CCDC66: variants seen among roughly 807,000 people sequenced by gnomAD.
The protein encoded by CCDC66 is coiled-coil domain containing 66, also known as coiled-coil domain-containing protein 66.
CCDC66 carries 133 observed loss-of-function variants against 128.3 expected under a neutral mutation model. The ratio of observed to expected loss-of-function variants is 1.04; its 90% CI spans 0.90 to 1.20. The LOEUF (loss-of-function observed/expected upper bound fraction) is 1.20, where lower values mean the gene tolerates loss of function less well. Ranked by LOEUF, CCDC66 falls within the 50% of genes most tolerant of loss-of-function variation. The pLI, the probability that CCDC66 is intolerant of heterozygous loss-of-function variation, is 0.00. For missense variants in CCDC66, 1,126 were observed against 1,075.5 expected (o/e 1.05, Z -0.66); for synonymous variants, 387 against 357.0 (o/e 1.08, Z -0.95).
At chr3:56,569,295 G>C in intron 6 of CCDC66, 2 of 313,222 alleles carry the variant, frequency 6.4e-6, no homozygotes, top group Non-Finnish European at 1.4e-5. Flanking sequence ...TGATAAAAGA[G>C]GTTTATTTGG....
At chr3:56,584,362 C>G (rs1161254632) in intron 7 of CCDC66, among the ~76,000 whole-genome samples, 1 of 148,148 alleles carries the variant, frequency 6.8e-6, no homozygotes, top group African/African-American at 2.5e-5. Context: ...AGAGGGGCTC[C>G]TCACTTCTCA....
chr3:56,566,089 C>T (rs1250152742), intron 4 of CCDC66, among the ~76,000 whole-genome samples: 1 of 106,676 alleles, frequency 9.4e-6, no homozygotes, highest in African/African-American at 2.9e-5. Context: ...AGCCATTTAA[C>T]CTCTGGGCTT....
At chr3:56,594,107 T>G in intron 10 of CCDC66, 79 bp downstream of exon 10, 1 of 1,301,004 alleles carries the variant, frequency 7.7e-7, no homozygotes, top group South Asian at 1.2e-5. Context: ...AATGGAAATT[T>G]AAATTCTGAT....
intron 7 of CCDC66, among the ~76,000 whole-genome samples, chr3:56,580,789 C>T (rs1470331675): frequency 8.6e-5 from 13 of 151,820 alleles, no homozygotes; most frequent in Admixed American, 4.6e-4. Flanking sequence ...ACTGTTAGTC[C>T]GATGGGCTTC....
At chr3:56,571,417 T>C in intron 7 of CCDC66, 115 bp downstream of exon 7, 1 of 680,438 alleles carries the variant, frequency 1.5e-6, no homozygotes, top group Non-Finnish European at 2.3e-6. Flanking sequence ...GTTTCTCTCT[T>C]GTTGCCCAGG....
chr3:56,585,788 T>C (rs2069585720), intron 7 of CCDC66, among the ~76,000 whole-genome samples: 1 of 151,868 alleles, frequency 6.6e-6, no homozygotes, highest in Non-Finnish European at 1.5e-5. Flanking sequence ...TACTCAGACC[T>C]GAATAATTAC....
At chr3:56,568,266 T>TA (rs1184261550) in intron 6 of CCDC66, among the ~76,000 whole-genome samples, 3 of 152,176 alleles carry the variant, frequency 2.0e-5, no homozygotes, top group African/African-American at 7.2e-5. Context: ...CATTTTGGGG[T>TA]AAAACACTGT....
Position 56,566,639 on chromosome 3 carries a change from A to G in CCDC66, c.590A>G (p.Asp197Gly). 6.3e-7 allele frequency: 1 copy of G among 1,598,646 alleles called. No individual in the cohort carries two copies. Among genetic ancestry groups the G allele is most frequent in the South Asian group, 1.1e-5 (1 of 90,686 alleles). ...AACAGTATTTCTAATCAGCCAAAGG[A>G]TGAGAACATTATGGGATTATTCAAA... Reference protein sequence around the residue: ...YLNSISNQPKDENIMGLFKKT... With the variant: ...YLNSISNQPKGENIMGLFKKT... The change falls in exon 5 of 18, where the codon GAT becomes GGT. Residue 197 changes from aspartate to glycine, a missense_variant. Transcript: ENST00000394672.
chr3:56,593,312 C>T (rs1443081619), intron 8 of CCDC66, among the ~76,000 whole-genome samples, 179 bp from the exon 9 acceptor site: 2 of 152,154 alleles, frequency 1.3e-5, no homozygotes, highest in Non-Finnish European at 2.9e-5. Context: ...TTGAATTTCT[C>T]AAATTTTCAA....
chr3:56,566,511 T>G, intron 4 of CCDC66, 83 bp from the exon 5 acceptor site: 1 of 845,424 alleles, frequency 1.2e-6, no homozygotes, highest in South Asian at 1.9e-5. Context: ...GTGTAAGACA[T>G]GTAAGAACTG....
At position 56,619,385 on chromosome 3, in the gene CCDC66, T is replaced by TAATC. The variant is rs745848348; in HGVS notation, c.2496_2499dup (p.Thr834SerfsTer10). The TAATC allele has an allele frequency of 1.9e-6, 3 of 1,613,982 alleles. No homozygotes were observed. Among genetic ancestry groups the TAATC allele is most frequent in the African/African-American group, 1.3e-5 (1 of 75,032 alleles). On this transcript the variant is annotated frameshift_variant, in exon 16 of 18. Coordinates refer to ENST00000394672, the MANE Select transcript of CCDC66 (RefSeq NM_001141947.3). LOFTEE classifies it high-confidence loss of function. ...AGAGAGAGAATTTGATCTCAGGAAG[T>TAATC]AATCAAACAGAATTATCATCTGGGA...
At chr3:56,611,573 C>T (rs985591414) in intron 10 of CCDC66, among the ~76,000 whole-genome samples, 5 of 133,958 alleles carry the variant, frequency 3.7e-5, no homozygotes, top group African/African-American at 1.4e-4. Context: ...CCCCCCACCC[C>T]CCACGCCCAG....
chr3:56,583,952 GCGGC>G (rs2068932240), intron 7 of CCDC66, among the ~76,000 whole-genome samples: 3 of 139,076 alleles, frequency 2.2e-5, no homozygotes. Flanking sequence ...CCCGGACGGG[GCGGC>G]TGGCCGGGCG....
At chr3:56,608,418 T>G (rs746598088) in intron 10 of CCDC66, among the ~76,000 whole-genome samples, 2 of 152,194 alleles carry the variant, frequency 1.3e-5, no homozygotes, top group Admixed American at 6.5e-5. Flanking sequence ...TGTGTAAAGG[T>G]GTTCATAGTA....
chr3:56,611,837 C>T (rs1006975490), intron 10 of CCDC66, among the ~76,000 whole-genome samples: 1 of 152,166 alleles, frequency 6.6e-6, no homozygotes, highest in Non-Finnish European at 1.5e-5. Flanking sequence ...GAGCTTCTCC[C>T]GCAAAGACTT....
rs6807338 is a variant in CCDC66 at position 56,615,254 on chromosome 3, C to G, written c.1693C>G (p.Leu565Val). Reference sequence around the variant, plus strand: ...GCAAAAGGGACATGACACTTCTAGACTGATTAAAAATCTTGGTGGTAAGGG... The same window carrying G: ...GCAAAAGGGACATGACACTTCTAGAGTGATTAAAAATCTTGGTGGTAAGGG... ...LAQKGHDTSR[L>V]IKNLGVDTIQ... The change falls in exon 12 of 18, where the codon CTG (leucine) becomes GTG (valine). Residue 565 changes from leucine (L) to valine (V), a missense_variant. By Grantham distance (32) the Leu-to-Val change is conservative. Transcript: ENST00000394672. The G allele has an allele frequency of 6.2e-7, 1 of 1,612,062 alleles. No homozygotes were observed. The highest frequency in any genetic ancestry group is 2.2e-5 in the East Asian group (1 of 44,854).
At chr3:56,621,074 G>C (rs1328563413) in intron 17 of CCDC66, 2 of 152,178 alleles carry the variant, frequency 1.3e-5, no homozygotes, top group African/African-American at 4.8e-5. Flanking sequence ...TGAGGCAGGA[G>C]AATGGTGTGA....
At chr3:56,594,594 A>T (rs952279618) in intron 10 of CCDC66, among the ~76,000 whole-genome samples, 4 of 151,932 alleles carry the variant, frequency 2.6e-5, no homozygotes, top group Non-Finnish European at 5.9e-5. Flanking sequence ...GAGGTGGGAG[A>T]ATGGCATGAA....
chr3:56,563,098 C>T (rs867711262), intron 3 of CCDC66, among the ~76,000 whole-genome samples: 3 of 151,910 alleles, frequency 2.0e-5, no homozygotes, highest in South Asian at 2.1e-4. Context: ...TGGTGGCTCA[C>T]GCCTGTAATC....
Sources: allele counts gnomAD v4.1 joint callset (sites outside exome capture counted in the v4.1 genomes callset), GRCh38; gene constraint gnomAD v4.1.1; transcripts MANE v1.5; gene names NCBI Gene and HGNC (gene_info 2026-07-23, HGNC 2026-07-21).